Variants in CHRNA1 observed in about 807,000 individuals in gnomAD.
The protein encoded by CHRNA1 is acetylcholine receptor subunit alpha.
Under a neutral mutation model 47.1 loss-of-function variants are expected in CHRNA1, and 35 were observed. The observed-to-expected ratio is 0.74, with a 90% CI of 0.57 to 0.99. The LOEUF (loss-of-function observed/expected upper bound fraction) is 0.99, where lower values mean the gene tolerates loss of function less well. Among genes scored for constraint, CHRNA1 ranks in the 50% least tolerant of loss-of-function variants. The pLI, the probability that CHRNA1 is intolerant of heterozygous loss-of-function variation, is 0.00. For missense variants in CHRNA1, 506 were observed against 591.1 expected (o/e 0.86, Z 1.49); for synonymous variants, 229 against 223.6 (o/e 1.02, Z -0.22).
intron 3 of CHRNA1, among the ~76,000 whole-genome samples, chr2:174,758,948 G>A (rs1310530280): frequency 1.3e-5 from 2 of 151,708 alleles, no homozygotes; most frequent in African/African-American, 2.4e-5. Context: ...CAAGAAGAAC[G>A]CCATCTGAAC....
At chr2:174,759,405 G>C (rs1300147722) in intron 2 of CHRNA1, 30 bp from the exon 3 acceptor site, 2 of 1,613,870 alleles carry the variant, frequency 1.2e-6, no homozygotes, top group South Asian at 2.2e-5. Flanking sequence ...TCATTTTTAT[G>C]GGGGAGAGAG....
chr2:174,759,188 G>A, intron 3 of CHRNA1, 143 bp downstream of exon 3: 1 of 988,906 alleles, frequency 1.0e-6, no homozygotes, highest in East Asian at 2.6e-5. Context: ...AAACCAAACA[G>A]GATCCATGCT....
At chr2:174,760,651 T>A (rs1684085665) in intron 1 of CHRNA1, among the ~76,000 whole-genome samples, 1 of 152,238 alleles carries the variant, frequency 6.6e-6, no homozygotes, top group African/African-American at 2.4e-5. Flanking sequence ...TCTTATAACA[T>A]GTGAATGTAC....
rs1171937255 is a variant in CHRNA1 at position 174,747,966 on chromosome 2, C to T, written c.*158G>A. ...GAAGCAATATGAAAACACTTCAAGG[C>T]CATAAACTTACATAAAGGTAAATCT... On this transcript the variant is annotated 3_prime_UTR_variant, in exon 9 of 9. Coordinates refer to ENST00000348749, the MANE Select transcript of CHRNA1 (RefSeq NM_000079.4). 2 of 940,180 alleles carry T rather than the reference C, an allele frequency of 2.1e-6. No individual in the cohort carries two copies. The highest frequency in any genetic ancestry group is 3.3e-5 in the African/African-American group (2 of 61,206). The allele number at this position is 940,180 out of a possible 1,614,324, so 58.2% of individuals were successfully genotyped here. A position where few individuals can be genotyped will look rare whatever the true frequency, so the allele number is the denominator to read the frequency against.
chr2:174,753,638 C>A lies in CHRNA1; in HGVS notation c.643G>T (p.Asp215Tyr). 6.2e-7 allele frequency: 1 copy of A among 1,613,974 alleles called. No individual in the cohort carries two copies. The highest frequency in any genetic ancestry group is 8.5e-7 in the Non-Finnish European group (1 of 1,179,986). The change falls in exon 6 of 9, where the codon GAC (aspartate) becomes TAC (tyrosine). Residue 215 changes from aspartate to tyrosine, a missense_variant. Physicochemically the swap from Asp to Tyr is radical, Grantham distance 160. Transcript: ENST00000348749. ...KHSVTYSCCPDTPYLDITYHF... is the reference protein window; with the variant it reads ...KHSVTYSCCPYTPYLDITYHF... The stretch of plus-strand genomic sequence containing the variant: ...TAGGTGATGTCCAGGTAGGGGGTGT[C>A]GGGGCAGCAGGAATAGGTCACGGAG...
Position 174,759,404 on chromosome 2 carries a change from T to C in CHRNA1, c.190-29A>G, listed in dbSNP as rs762909110. 3 of 1,613,998 alleles carry C rather than the reference T, an allele frequency of 1.9e-6. No individual in the cohort carries two copies. The South Asian group carries it at 3.3e-5, about 18-fold the overall frequency. ...GAAAAAAAAATAAGGATCATTTTTA[T>C]GGGGGAGAGAGGGGACCCAGGGGAG... On this transcript the variant is annotated intron_variant, in intron 2 of 8. Coordinates refer to ENST00000348749, the MANE Select transcript of CHRNA1 (RefSeq NM_000079.4).
chr2:174,753,792 G>A (rs1202327704), intron 5 of CHRNA1, 52 bp from the exon 6 acceptor site: 2 of 1,560,006 alleles, frequency 1.3e-6, no homozygotes, highest in East Asian at 2.3e-5. Flanking sequence ...CCTGATGAGG[G>A]GCAGCGTTTT....
chr2:174,760,090 G>C (rs948554744), intron 1 of CHRNA1, among the ~76,000 whole-genome samples: 1 of 152,150 alleles, frequency 6.6e-6, no homozygotes, highest in Admixed American at 6.5e-5. Flanking sequence ...CACTAGAGTG[G>C]CCATAACTAA....
chr2:174,747,599 T>C lies in CHRNA1; in HGVS notation c.*525A>G. On this transcript the variant is annotated 3_prime_UTR_variant, in exon 9 of 9. Transcript: ENST00000348749. ...AACAAAAAAACCCATGGATTTTTGA[T>C]GCAGTTTGCATTTTAGTTTATTTCA... 1 of 164,040 alleles carries C rather than the reference T, an allele frequency of 6.1e-6. No homozygotes were observed. The highest frequency in any genetic ancestry group is 1.3e-5 in the Non-Finnish European group (1 of 74,860). The allele number at this position is 164,040 out of a possible 1,614,324, so 10.2% of individuals were successfully genotyped here. A position where few individuals can be genotyped will look rare whatever the true frequency, so the allele number is the denominator to read the frequency against.
At chr2:174,753,774 C>T (rs764989480) in intron 5 of CHRNA1, 34 bp from the exon 6 acceptor site, 1 of 1,606,750 alleles carries the variant, frequency 6.2e-7, no homozygotes, top group South Asian at 1.1e-5. Flanking sequence ...AAATCCCAGG[C>T]AGGTCACCCT....
chr2:174,749,896 G>T, intron 7 of CHRNA1, 50 bp downstream of exon 7: 1 of 1,495,694 alleles, frequency 6.7e-7, no homozygotes, highest in African/African-American at 1.4e-5. Context: ...TCGAAGGGGA[G>T]GCCTGTAGAT....
rs61731797 is a variant in CHRNA1 at position 174,748,243 on chromosome 2, A to T, written c.1255T>A (p.Trp419Arg). Residue 419 changes from tryptophan to arginine, a missense_variant, in exon 9 of 9, where the codon TGG becomes AGG. Coordinates refer to ENST00000348749, the MANE Select transcript of CHRNA1 (RefSeq NM_000079.4). ...TCCATCACCATTGCAACGTACTTCC[A>T]CTCTGCCGCCGCCTGGGAGAGAGGA... Reference protein sequence around the residue: ...DQESNNAAAEWKYVAMVMDHI... With the variant: ...DQESNNAAAERKYVAMVMDHI... The T allele has an allele frequency of 5.6e-6, 9 of 1,613,992 alleles. No individual in the cohort carries two copies. Among genetic ancestry groups the T allele is most frequent in the African/African-American group, 1.3e-5 (1 of 74,962 alleles).
chr2:174,761,142 A>C (rs1211282795), intron 1 of CHRNA1, among the ~76,000 whole-genome samples: 2 of 152,180 alleles, frequency 1.3e-5, no homozygotes, highest in Non-Finnish European at 1.5e-5. Flanking sequence ...TCAGAACTGC[A>C]AGTGCCACTA....
chr2:174,748,357 T>A, intron 8 of CHRNA1, 102 bp from the exon 9 acceptor site: 1 of 1,521,618 alleles, frequency 6.6e-7, no homozygotes, highest in Non-Finnish European at 9.0e-7. Flanking sequence ...TTTGTAGATC[T>A]CAAAGTCCTC....
In CHRNA1 at chr2:174,750,135, C is replaced by G. The variant is rs374093236; in HGVS notation, c.813G>C (p.Leu271=). ...TGACCAGAAGGAACACAGTCAAAGA[C>G]AGTAAGACAGAGATGCTCAGAGTCA... ...EKMTLSISVL[L]SLTVFLLVIV... is the part of the protein sequence containing the mutation. Residue 271 remains leucine (L), a synonymous_variant, in exon 7 of 9, where the codon CTG becomes CTC. Coordinates refer to ENST00000348749, the MANE Select transcript of CHRNA1 (RefSeq NM_000079.4). 9.9e-6 allele frequency: 16 copies of G among 1,610,436 alleles called. No homozygotes were observed. The African/African-American group carries it at 2.0e-4, about 20-fold the overall frequency.
At chr2:174,748,310 CA>C in intron 8 of CHRNA1, 55 bp from the exon 9 acceptor site, 11 of 1,611,278 alleles carry the variant, frequency 6.8e-6, no homozygotes, top group Non-Finnish European at 9.3e-6. Context: ...TCTGGACTCA[CA>C]ACGTTTGTGC....
intron 1 of CHRNA1, among the ~76,000 whole-genome samples, chr2:174,760,090 G>A (rs948554744): frequency 6.6e-6 from 1 of 152,150 alleles, no homozygotes; most frequent in Non-Finnish European, 1.5e-5. Context: ...CACTAGAGTG[G>A]CCATAACTAA....
chr2:174,749,462 C>T (rs1000783998), intron 7 of CHRNA1, among the ~76,000 whole-genome samples: 1 of 151,776 alleles, frequency 6.6e-6, no homozygotes, highest in Non-Finnish European at 1.5e-5. Context: ...TTTTTAAATT[C>T]AATAACGTAA....
At chr2:174,755,681 G>T (rs958936523) in intron 4 of CHRNA1, among the ~76,000 whole-genome samples, 2 of 152,166 alleles carry the variant, frequency 1.3e-5, no homozygotes, top group African/African-American at 4.8e-5. Context: ...GCCTCCCAAA[G>T]TGCTGGGATT....
Sources: allele counts gnomAD v4.1 joint callset (sites outside exome capture counted in the v4.1 genomes callset), GRCh38; gene constraint gnomAD v4.1.1; transcripts MANE v1.5; gene names NCBI Gene and HGNC (gene_info 2026-07-23, HGNC 2026-07-21).